TTC4: variants seen among roughly 807,000 people sequenced by gnomAD.
The protein encoded by TTC4 is tetratricopeptide repeat domain 4.
TTC4 carries 36 observed loss-of-function variants against 51.9 expected under a neutral mutation model. The ratio of observed to expected loss-of-function variants is 0.69; its 90% CI spans 0.53 to 0.92. TTC4 has a LOEUF of 0.92. Ranked by LOEUF, TTC4 falls within the 40% of genes least tolerant of loss-of-function variation. The pLI, the probability that TTC4 is intolerant of heterozygous loss-of-function variation, is 0.00. For synonymous variants in TTC4, 144 were observed against 164.2 expected (o/e 0.88, Z 0.94); for missense variants, 399 against 454.6 (o/e 0.88, Z 1.11).
chr1:54,731,496 T>G lies in TTC4; in HGVS notation c.692T>G (p.Ile231Ser). ...ALLQAIKARN[I>S]RLSEAACEDE... ...CTGTCTTTAACCCAGGCTAGGAATATCAGGCTCTCAGAAGCTGCCTGTGAG... is the reference window on the plus strand; with the variant it reads ...CTGTCTTTAACCCAGGCTAGGAATAGCAGGCTCTCAGAAGCTGCCTGTGAG... Residue 231 changes from isoleucine (I) to serine (S), a missense_variant, in exon 7 of 10, where the codon ATC (isoleucine) becomes AGC (serine). Physicochemically the swap from Ile to Ser is moderately radical, Grantham distance 142. Coordinates refer to ENST00000371281, the MANE Select transcript of TTC4 (RefSeq NM_004623.5). The G allele has an allele frequency of 6.2e-7, 1 of 1,613,926 alleles. No homozygotes were observed. The highest frequency in any genetic ancestry group is 8.5e-7 in the Non-Finnish European group (1 of 1,179,850).
intron 5 of TTC4, among the ~76,000 whole-genome samples, chr1:54,724,622 A>T (rs557252894): frequency 4.6e-5 from 7 of 152,166 alleles, no homozygotes; most frequent in Non-Finnish European, 1.0e-4. Context: ...AAGAATATTT[A>T]ACAATTCTAA....
chr1:54,732,915 G>A lies in TTC4; in HGVS notation c.897-714G>A, dbSNP rs200697255. The stretch of plus-strand genomic sequence containing the variant: ...AGCCTGGCAAACATGGCAAAATCCC[G>A]TGCCTAATAAAAATATAAAAAATTA... On this transcript the variant is annotated intron_variant, in intron 7 of 9. Transcript: ENST00000371281. 6.6e-5 allele frequency among the ~76,000 whole-genome samples: 10 copies of A among 150,968 alleles called. No individual in the cohort carries two copies. The East Asian group carries it at 8.0e-4, about 12-fold the overall frequency.
chr1:54,735,916 A>G (rs1449586294), intron 8 of TTC4, among the ~76,000 whole-genome samples: 4 of 151,978 alleles, frequency 2.6e-5, no homozygotes, highest in Non-Finnish European at 5.9e-5. Flanking sequence ...ACTTGTGTCT[A>G]TTTTTTAAGT....
intron 5 of TTC4, among the ~76,000 whole-genome samples, chr1:54,725,430 A>G (rs533433962): frequency 1.3e-5 from 2 of 152,234 alleles, no homozygotes; most frequent in African/African-American, 4.8e-5. Flanking sequence ...GAAGATCTAG[A>G]TGGTCACACA....
intron 8 of TTC4, 108 bp downstream of exon 8, chr1:54,733,818 A>C: frequency 1.4e-6 from 1 of 696,546 alleles, no homozygotes. Flanking sequence ...AAATTATAGT[A>C]AAATATACAT....
At chr1:54,723,968 G>A (rs1645772592) in intron 5 of TTC4, among the ~76,000 whole-genome samples, 1 of 152,182 alleles carries the variant, frequency 6.6e-6, no homozygotes, top group African/African-American at 2.4e-5. Context: ...ACAGAATTCT[G>A]AGCCTAGGTA....
At chr1:54,720,153 C>T (rs966791276) in intron 3 of TTC4, among the ~76,000 whole-genome samples, 1 of 152,118 alleles carries the variant, frequency 6.6e-6, no homozygotes, top group Non-Finnish European at 1.5e-5. Flanking sequence ...CCTCTCACCT[C>T]GGTCTCCCAT....
At chr1:54,734,259 A>G (rs1330954960) in intron 8 of TTC4, among the ~76,000 whole-genome samples, 3 of 152,098 alleles carry the variant, frequency 2.0e-5, no homozygotes, top group Non-Finnish European at 4.4e-5. Flanking sequence ...TTTAGTAGAG[A>G]TGGGGTTTCA....
At chr1:54,724,268 C>CTT (rs200907562) in intron 5 of TTC4, among the ~76,000 whole-genome samples, 7,905 of 145,184 alleles carry the variant, frequency 0.054, 531 homozygotes, top group African/African-American at 0.15. Context: ...AGCTTTTTTT[C>CTT]TTTTTTTTTT....
intron 3 of TTC4, among the ~76,000 whole-genome samples, chr1:54,720,041 G>C (rs569266161): frequency 6.6e-6 from 1 of 151,906 alleles, no homozygotes; most frequent in East Asian, 1.9e-4. Flanking sequence ...TAGAACTATA[G>C]GCATGTACCA....
intron 5 of TTC4, 77 bp downstream of exon 5, chr1:54,722,876 C>T: frequency 1.3e-6 from 2 of 1,562,030 alleles, no homozygotes; most frequent in East Asian, 4.5e-5. Flanking sequence ...TCTCTCAAGT[C>T]ATTGTAAACT....
Position 54,736,525 on chromosome 1 carries a change from C to T in TTC4, c.979-1057C>T, listed in dbSNP as rs182155790. Among the ~76,000 whole-genome samples, 1,064 of 152,058 alleles carry T rather than the reference C, an allele frequency of 7.0e-3. 13 individuals carry two copies. Among genetic ancestry groups the T allele is most frequent in the Non-Finnish European group, 9.3e-3 (633 of 67,988 alleles). ...AGCTGGGACCACAGGCGTTTGCCAC[C>T]GTGCCCAACTAATTTTTGTATTTTT... On this transcript the variant is annotated intron_variant, in intron 8 of 9. Transcript: ENST00000371281.
intron 7 of TTC4, among the ~76,000 whole-genome samples, chr1:54,732,914 C>T (rs971174819): frequency 1.3e-5 from 2 of 151,566 alleles, no homozygotes; most frequent in Non-Finnish European, 2.9e-5. Flanking sequence ...GGCAAAATCC[C>T]GTGCCTAATA....
rs768767617 is a variant in TTC4 at position 54,716,566 on chromosome 1, C to T, written c.112-34C>T. On this transcript the variant is annotated intron_variant, in intron 1 of 9. Coordinates refer to ENST00000371281, the MANE Select transcript of TTC4 (RefSeq NM_004623.5). ...GAATTGGATCTGCTCAGTAGAAAAG[C>T]TTATTCATGTAGTTCATTCTTAACC... 4 of 1,537,528 alleles carry T rather than the reference C, an allele frequency of 2.6e-6. No individual in the cohort carries two copies. The African/African-American group carries it at 4.1e-5, about 16-fold the overall frequency.
intron 9 of TTC4, among the ~76,000 whole-genome samples, chr1:54,739,895 T>C (rs894373527): frequency 2.0e-5 from 3 of 152,204 alleles, no homozygotes; most frequent in Non-Finnish European, 4.4e-5. Context: ...TTAAAAGATG[T>C]ACAGAATAGG....
Position 54,737,679 on chromosome 1 carries a change from G to A in TTC4, c.1061+15G>A. The stretch of plus-strand genomic sequence containing the variant: ...CAGCACCAGAGGTGAGTCATCTCAT[G>A]GCGCTGAGTAGATTGGGGAAGATGC... On this transcript the variant is annotated intron_variant, in intron 9 of 9. Transcript: ENST00000371281. The A allele has an allele frequency of 6.2e-7, 1 of 1,611,094 alleles. No individual in the cohort carries two copies. The highest frequency in any genetic ancestry group is 8.5e-7 in the Non-Finnish European group (1 of 1,179,404).
rs1445371921 is a variant in TTC4 at position 54,722,672 on chromosome 1, C to T, written c.470-3C>T. On this transcript the variant is annotated splice_region_variant and splice_polypyrimidine_tract_variant and intron_variant, in intron 4 of 9. Coordinates refer to ENST00000371281, the MANE Select transcript of TTC4 (RefSeq NM_004623.5). ...TGAATCCTAAGGGTTCTGGGTTCTG[C>T]AGGTGCCTTATGCCATCTGGAACTG... 18 of 1,613,362 alleles carry T rather than the reference C, an allele frequency of 1.1e-5. No homozygotes were observed. Among genetic ancestry groups the T allele is most frequent in the Non-Finnish European group, 1.4e-5 (16 of 1,179,768 alleles).
At chr1:54,740,410 C>A (rs1645997962) in intron 9 of TTC4, among the ~76,000 whole-genome samples, 1 of 151,998 alleles carries the variant, frequency 6.6e-6, no homozygotes, top group Non-Finnish European at 1.5e-5. Context: ...TTGCTCTGGT[C>A]CCAAATCTCT....
chr1:54,731,610 A>G lies in TTC4; in HGVS notation c.806A>G (p.Asp269Gly). Residue 269 changes from aspartate to glycine, a missense_variant, in exon 7 of 10, where the codon GAT becomes GGT. Asp to Gly is a moderately conservative substitution (Grantham distance 94, BLOSUM62 -1). Transcript: ENST00000371281. ...ENPHGARLSL[D>G]GQGRLSWPVL... ...CCCCATGGAGCCAGGCTGAGTCTAGATGGCCAGGGCAGGCTGAGCTGGCCT... is the reference window on the plus strand; with the variant it reads ...CCCCATGGAGCCAGGCTGAGTCTAGGTGGCCAGGGCAGGCTGAGCTGGCCT... 1.2e-6 allele frequency: 2 copies of G among 1,614,102 alleles called. No individual in the cohort carries two copies. The highest frequency in any genetic ancestry group is 1.7e-6 in the Non-Finnish European group (2 of 1,180,026).
Sources: allele counts gnomAD v4.1 joint callset (sites outside exome capture counted in the v4.1 genomes callset), GRCh38; gene constraint gnomAD v4.1.1; transcripts MANE v1.5; gene names NCBI Gene and HGNC (gene_info 2026-07-23, HGNC 2026-07-21).